The following RCL1 variants were observed in gnomAD, a reference collection of about 807,000 sequenced individuals.
The protein encoded by RCL1 is RNA terminal phosphate cyclase like 1, also known as RNA 3'-terminal phosphate cyclase-like protein.
A neutral mutation model predicts 42.4 loss-of-function variants in RCL1; 24 were observed. The ratio of observed to expected loss-of-function variants is 0.57; its 90% CI spans 0.41 to 0.80. The LOEUF is 0.80. Among genes scored for constraint, RCL1 ranks in the 30% least tolerant of loss-of-function variants. The pLI is 0.00. For missense variants in RCL1, 578 were observed against 467.9 expected, an observed-to-expected ratio of 1.24 and a Z score of -2.17; for synonymous variants, 228 against 177.3, an observed-to-expected ratio of 1.29 and a Z score of -2.27.
intron 1 of RCL1, among the ~76,000 whole-genome samples, chr9:4,798,947 T>C (rs1006409818): frequency 2.0e-5 from 3 of 151,894 alleles, no homozygotes; most frequent in Non-Finnish European, 2.9e-5. Context: ...TACAGTGTTG[T>C]TTGGAAGCTG....
At chr9:4,849,613 A>G (rs1184287170) in intron 8 of RCL1, 63 bp downstream of exon 8, 1 of 1,238,986 alleles carries the variant, frequency 8.1e-7, no homozygotes, top group Non-Finnish European at 1.2e-6. Flanking sequence ...GCCCAAAATG[A>G]CAAAGGGTGT....
intron 1 of RCL1, among the ~76,000 whole-genome samples, chr9:4,814,176 C>T (rs754392006): frequency 3.7e-5 from 5 of 136,404 alleles, no homozygotes; most frequent in Non-Finnish European, 8.2e-5. Flanking sequence ...AAAATTTCCC[C>T]CATTCAGTAT....
chr9:4,828,406 G>T (rs997002114), intron 3 of RCL1, among the ~76,000 whole-genome samples: 2 of 152,094 alleles, frequency 1.3e-5, no homozygotes, highest in African/African-American at 4.8e-5. Context: ...ATGTTCTTAG[G>T]CAATAAAAAC....
intron 1 of RCL1, among the ~76,000 whole-genome samples, chr9:4,813,874 T>G (rs1478060312): frequency 6.6e-6 from 1 of 152,192 alleles, no homozygotes; most frequent in Non-Finnish European, 1.5e-5. Flanking sequence ...AATGATGAGT[T>G]CAGGTCCTTT....
At chr9:4,851,090 C>G (rs1490487048) in intron 8 of RCL1, among the ~76,000 whole-genome samples, 1 of 152,116 alleles carries the variant, frequency 6.6e-6, no homozygotes, top group African/African-American at 2.4e-5. Context: ...TGTTTTCAAG[C>G]TTTGCAGAGA....
At chr9:4,798,147 T>A (rs747818419) in intron 1 of RCL1, among the ~76,000 whole-genome samples, 3 of 152,206 alleles carry the variant, frequency 2.0e-5, no homozygotes, top group Non-Finnish European at 4.4e-5. Context: ...AAGGACCTGT[T>A]CTCTCTCATT....
At chr9:4,820,292 G>A (rs1475455275) in intron 1 of RCL1, among the ~76,000 whole-genome samples, 3 of 152,132 alleles carry the variant, frequency 2.0e-5, no homozygotes, top group Non-Finnish European at 1.5e-5. Flanking sequence ...TAAAGTTTGG[G>A]GACTTTGATC....
At position 4,820,984 on chromosome 9, in the gene RCL1, G is replaced by C. The variant is rs2130995860; in HGVS notation, c.137-2564G>C. On this transcript the variant is annotated intron_variant, in intron 1 of 8. Coordinates refer to ENST00000381750, the MANE Select transcript of RCL1 (RefSeq NM_005772.5). ...TTCTGTTCTAATTTTTTTTAATGTT[G>C]ATTAGAGATCCATTAAATTAACTAT... Among the ~76,000 whole-genome samples, 3 of 152,078 alleles carry C rather than the reference G, an allele frequency of 2.0e-5. No homozygotes were observed. The East Asian group carries it at 5.8e-4, about 29-fold the overall frequency.
At chr9:4,802,357 T>C (rs75150486) in intron 1 of RCL1, among the ~76,000 whole-genome samples, 8,691 of 152,264 alleles carry the variant, frequency 0.057, 452 homozygotes, top group African/African-American at 0.13. Context: ...AATATAAATT[T>C]TAGAATAATC....
chr9:4,844,740 C>T, intron 7 of RCL1, 59 bp downstream of exon 7: 1 of 1,543,504 alleles, frequency 6.5e-7, no homozygotes, highest in Non-Finnish European at 8.8e-7. Flanking sequence ...TTTTCTCATT[C>T]TCATCTCTTG....
chr9:4,817,045 C>T (rs181419027), intron 1 of RCL1, among the ~76,000 whole-genome samples: 20 of 152,176 alleles, frequency 1.3e-4, no homozygotes, highest in Admixed American at 3.3e-4. Flanking sequence ...TCTCAATCTC[C>T]TGACCTTGTA....
intron 5 of RCL1, among the ~76,000 whole-genome samples, chr9:4,840,668 G>T (rs902458986): frequency 3.3e-5 from 5 of 152,076 alleles, no homozygotes; most frequent in African/African-American, 1.2e-4. Context: ...CCCTGTAAAT[G>T]AGAAAAACCT....
chr9:4,821,744 G>C (rs192954756), intron 1 of RCL1, among the ~76,000 whole-genome samples: 440 of 152,244 alleles, frequency 2.9e-3, no homozygotes, highest in African/African-American at 9.5e-3. Context: ...CCTCCTGAGT[G>C]GCTGGGACTA....
intron 1 of RCL1, among the ~76,000 whole-genome samples, chr9:4,815,043 C>G (rs1816322697): frequency 6.6e-6 from 1 of 151,914 alleles, no homozygotes; most frequent in South Asian, 2.1e-4. Flanking sequence ...TTTTAGAATT[C>G]TCTTTTTATC....
chr9:4,834,812 C>T (rs1382653213), intron 5 of RCL1, among the ~76,000 whole-genome samples: 1 of 152,190 alleles, frequency 6.6e-6, no homozygotes, highest in Non-Finnish European at 1.5e-5. Context: ...TTAAGCCTCA[C>T]ATTGACCCTT....
At chr9:4,856,488 C>T (rs1262732323) in intron 8 of RCL1, among the ~76,000 whole-genome samples, 2 of 152,112 alleles carry the variant, frequency 1.3e-5, no homozygotes, top group Non-Finnish European at 2.9e-5. Flanking sequence ...TACTGAGAAC[C>T]TTATACAGTA....
In RCL1 at chr9:4,812,453, G is replaced by A. The variant is rs182245968; in HGVS notation, c.137-11095G>A. Among the ~76,000 whole-genome samples, 20 of 152,106 alleles carry A rather than the reference G, an allele frequency of 1.3e-4. No individual in the cohort carries two copies. In the East Asian group the frequency reaches 3.1e-3, roughly 24 times the overall value. On this transcript the variant is annotated intron_variant, in intron 1 of 8. Transcript: ENST00000381750. ...ATTTTTAAATTTTAGAAATAGAGAC[G>A]AGGTTTCACTATATTGTGCAGGTTG...
chr9:4,814,457 G>A (rs1184938983), intron 1 of RCL1, among the ~76,000 whole-genome samples: 1 of 151,960 alleles, frequency 6.6e-6, no homozygotes, highest in African/African-American at 2.4e-5. Context: ...TGTAGAGATG[G>A]CGGTCTCGCT....
chr9:4,842,241 T>G, intron 6 of RCL1, among the ~76,000 whole-genome samples: 1 of 152,200 alleles, frequency 6.6e-6, no homozygotes, highest in Non-Finnish European at 1.5e-5. Context: ...GGTTAACTGT[T>G]GTAGGTTAAG....
Sources: allele counts gnomAD v4.1 joint callset (sites outside exome capture counted in the v4.1 genomes callset), GRCh38; gene constraint gnomAD v4.1.1; transcripts MANE v1.5; gene names NCBI Gene and HGNC (gene_info 2026-07-23, HGNC 2026-07-21).